The following ZNF536 variants were observed in gnomAD, a reference collection of about 807,000 sequenced individuals.
The protein encoded by ZNF536 is zinc finger protein 536.
A neutral mutation model predicts 84.5 loss-of-function variants in ZNF536; 13 were observed. The ratio of observed to expected loss-of-function variants is 0.15; its 90% CI spans 0.10 to 0.24. The LOEUF is 0.24. Ranked by LOEUF, ZNF536 falls within the 10% of genes least tolerant of loss-of-function variation. The pLI, the probability that ZNF536 is intolerant of heterozygous loss-of-function variation, is 1.00. For synonymous variants in ZNF536, 811 were observed against 742.5 expected (o/e 1.09, Z -1.50); for missense variants, 1,536 against 1,747.5 (o/e 0.88, Z 2.16).
chr19:30,562,367 A>G (rs1177101180), downstream of ZNF536, among the ~76,000 whole-genome samples: 1 of 152,240 alleles, frequency 6.6e-6, no homozygotes, highest in African/African-American at 2.4e-5. Flanking sequence ...GTGCACGGGC[A>G]TATGAAACTT....
chr19:30,526,618 GGAGGCT>G lies in ZNF536; in HGVS notation c.2171-8223_2171-8218del, dbSNP rs1383530404. The stretch of plus-strand genomic sequence containing the variant: ...GGGCGCCTGTAGTCCCAGCTACTTG[GGAGGCT>G]GAGGCAGGAGAATGGCGTGAACCCG... On this transcript the variant is annotated intron_variant, in intron 2 of 4. Coordinates refer to ENST00000355537, the MANE Select transcript of ZNF536 (RefSeq NM_014717.3). Among the ~76,000 whole-genome samples the G allele has an allele frequency of 2.1e-5, 3 of 143,706 alleles. No individual in the cohort carries two copies. The East Asian group carries it at 6.0e-4, about 29-fold the overall frequency. The allele number at this position is 143,706 out of a possible 152,430, so 94.3% of individuals were successfully genotyped here.
chr19:30,249,264 T>C (rs2024467151), intron 1 of ZNF536, among the ~76,000 whole-genome samples: 1 of 151,718 alleles, frequency 6.6e-6, no homozygotes, highest in Non-Finnish European at 1.5e-5. Flanking sequence ...AATGAATGGC[T>C]GCAATATAGT....
chr19:30,670,865 T>C (rs1471519235), intron 1 of ZNF536, among the ~76,000 whole-genome samples: 1 of 152,150 alleles, frequency 6.6e-6, no homozygotes, highest in Non-Finnish European at 1.5e-5. Context: ...ACAGAGAAGG[T>C]ACTCTGTCCA....
At chr19:30,627,212 T>C (rs2048712637) in intron 1 of ZNF536, among the ~76,000 whole-genome samples, 1 of 151,730 alleles carries the variant, frequency 6.6e-6, no homozygotes. Context: ...ACGCCTATCA[T>C]CCCAACACTT....
intron 1 of ZNF536, among the ~76,000 whole-genome samples, chr19:30,565,438 A>G (rs2046317116): frequency 6.6e-6 from 1 of 152,204 alleles, no homozygotes; most frequent in Non-Finnish European, 1.5e-5. Flanking sequence ...CAGGTCTGCC[A>G]GGCCTTCAGC....
chr19:30,506,619 G>A (rs575543785), intron 2 of ZNF536, among the ~76,000 whole-genome samples: 3 of 152,194 alleles, frequency 2.0e-5, no homozygotes, highest in Admixed American at 6.5e-5. Context: ...TGCACAAAGC[G>A]GGCAGGTTGT....
chr19:30,402,226 A>C (rs1336255085), intron 1 of ZNF536, among the ~76,000 whole-genome samples: 1 of 152,120 alleles, frequency 6.6e-6, no homozygotes, highest in Non-Finnish European at 1.5e-5. Context: ...CACAAACTAA[A>C]TTGAACCCTG....
At position 30,444,259 on chromosome 19, in the gene ZNF536, G is replaced by A. The variant is rs1461705498; in HGVS notation, c.697G>A (p.Ala233Thr). The stretch of plus-strand genomic sequence containing the variant: ...GAAGCCCCCGCCGCACGCCCAGCAG[G>A]CCCCGCTGGCCGCCTGCACCCTGGC... ...DLKPPPHAQQAPLAACTLALQ... is the reference protein window; with the variant it reads ...DLKPPPHAQQTPLAACTLALQ... Residue 233 changes from alanine to threonine, a missense_variant, in exon 2 of 5, where the codon GCC becomes ACC. Physicochemically the swap from Ala to Thr is moderately conservative, Grantham distance 58 (BLOSUM62 0). Coordinates refer to ENST00000355537, the MANE Select transcript of ZNF536 (RefSeq NM_014717.3). The A allele has an allele frequency of 9.0e-6, 14 of 1,551,152 alleles. No homozygotes were observed. Among genetic ancestry groups the A allele is most frequent in the Non-Finnish European group, 1.1e-5 (13 of 1,155,562 alleles).
chr19:30,431,772 C>A (rs1004096682), intron 1 of ZNF536, among the ~76,000 whole-genome samples: 4 of 152,138 alleles, frequency 2.6e-5, no homozygotes, highest in African/African-American at 9.6e-5. Context: ...GAGGCCAGGG[C>A]CTCTGGTTCC....
In ZNF536 at chr19:30,237,922, T is replaced by G. The variant is rs2023660912; in HGVS notation, c.-190+9249T>G. Among the ~76,000 whole-genome samples, 3 of 152,192 alleles carry G rather than the reference T, an allele frequency of 2.0e-5. No individual in the cohort carries two copies. In the South Asian group the frequency reaches 6.2e-4, roughly 32 times the overall value. ...GTTTTAAAGCAGTGTAACACCATGA[T>G]AAAGAGCTCAGGACCAGTCAGATGG... On this transcript the variant is annotated intron_variant, in intron 1 of 5. Coordinates refer to the ZNF536 transcript ENST00000585628.
At chr19:30,700,696 T>C (rs2051904091) in intron 1 of ZNF536, among the ~76,000 whole-genome samples, 1 of 152,220 alleles carries the variant, frequency 6.6e-6, no homozygotes, top group East Asian at 1.9e-4. Context: ...GAATTTTTAA[T>C]GTATCCTATT....
intron 2 of ZNF536, among the ~76,000 whole-genome samples, chr19:30,469,679 C>A (rs1464768629): frequency 3.3e-5 from 5 of 152,146 alleles, no homozygotes; most frequent in Non-Finnish European, 7.3e-5. Context: ...CCTGGGTATT[C>A]CACACCTGGG....
intron 1 of ZNF536, among the ~76,000 whole-genome samples, chr19:30,601,241 C>A (rs1035621798): frequency 6.6e-6 from 1 of 152,168 alleles, no homozygotes; most frequent in Non-Finnish European, 1.5e-5. Context: ...CTCCATTATC[C>A]CAGCAGATTT....
At chr19:30,228,408 A>T (rs1185614360), upstream of ZNF536, 1 of 152,034 alleles carries the variant, frequency 6.6e-6, no homozygotes, top group African/African-American at 2.4e-5. This position sits in a 1 kb window ranked among gnomAD's most constrained non-coding sequence, Gnocchi z 4.5. Context: ...GTCGCCAGGA[A>T]AGTGGACATT....
intron 1 of ZNF536, among the ~76,000 whole-genome samples, chr19:30,383,707 CTT>C (rs1568376601): frequency 4.4e-5 from 2 of 45,690 alleles, no homozygotes; most frequent in Non-Finnish European, 5.0e-5. Flanking sequence ...CTTTCTCTTT[CTT>C]TCTTTCTTTC....
intron 2 of ZNF536, among the ~76,000 whole-genome samples, chr19:30,456,156 T>C (rs1444989827): frequency 6.6e-6 from 1 of 152,188 alleles, no homozygotes; most frequent in East Asian, 1.9e-4. Flanking sequence ...CCTGTCCTAA[T>C]AGTAATAGTT....
At chr19:30,335,379 C>T (rs535638490) in intron 2 of ZNF536, among the ~76,000 whole-genome samples, 1 of 152,296 alleles carries the variant, frequency 6.6e-6, no homozygotes, top group East Asian at 1.9e-4. Flanking sequence ...GCCACTGCCA[C>T]CACAGCCACC....
intron 1 of ZNF536, among the ~76,000 whole-genome samples, chr19:30,655,411 G>C (rs75529273): frequency 5.2e-4 from 79 of 152,294 alleles, no homozygotes; most frequent in African/African-American, 1.9e-3. Context: ...CATGCAAGGG[G>C]AATGCCATAC....
At chr19:30,297,478 G>A (rs942474915) in intron 2 of ZNF536, among the ~76,000 whole-genome samples, 5 of 152,174 alleles carry the variant, frequency 3.3e-5, no homozygotes, top group African/African-American at 1.2e-4. Flanking sequence ...GGGCTGGCAT[G>A]TTCTTGAATG....
Sources: allele counts gnomAD v4.1 joint callset (sites outside exome capture counted in the v4.1 genomes callset), GRCh38; gene constraint gnomAD v4.1.1; non-coding constraint Gnocchi (gnomAD v3.1); transcripts MANE v1.5; gene names NCBI Gene and HGNC (gene_info 2026-07-23, HGNC 2026-07-21).